RAB27B: variants seen among roughly 807,000 people sequenced by gnomAD.
RAB27B encodes the protein ras-related protein Rab-27B.
In RAB27B, 15 loss-of-function variants were observed where a neutral mutation model predicts 24.6. The ratio of observed to expected loss-of-function variants is 0.61; its 90% CI spans 0.41 to 0.94. The LOEUF is 0.94. RAB27B is among the 40% of genes least tolerant of loss of function. RAB27B has a pLI of 0.00. For missense variants in RAB27B, 261 were observed against 266.8 expected, an observed-to-expected ratio of 0.98 and a Z score of 0.15; for synonymous variants, 105 against 92.5, an observed-to-expected ratio of 1.14 and a Z score of -0.78.
At chr18:54,728,319 G>T (rs7236144) in intron 2 of RAB27B, among the ~76,000 whole-genome samples, 3 of 152,072 alleles carry the variant, frequency 2.0e-5, no homozygotes, top group Non-Finnish European at 2.9e-5. Context: ...TGGGGGTGGC[G>T]TTGGGGATGG....
chr18:54,725,806 G>C (rs1909520120), intron 2 of RAB27B, among the ~76,000 whole-genome samples: 1 of 151,488 alleles, frequency 6.6e-6, no homozygotes, highest in Non-Finnish European at 1.5e-5. Flanking sequence ...TGGGGATTAT[G>C]GGAATTACAA....
intron 3 of RAB27B, chr18:54,879,779 G>C (rs1208264717): frequency 9.0e-6 from 2 of 223,212 alleles, no homozygotes; most frequent in Admixed American, 1.0e-4. Flanking sequence ...GCCGTTATAA[G>C]TGCTACTTGA....
rs113325156 is a variant in RAB27B at position 54,786,832 on chromosome 18, G to C, written c.-20+68691G>C. On this transcript the variant is annotated intron_variant, in intron 2 of 4. Coordinates refer to the RAB27B transcript ENST00000586570. Reference sequence around the variant, plus strand: ...AGAGGTGTGTTGACAATTAAATTCAGTTCAATAAGCTATTAAGCGATAAAC... The same window carrying C: ...AGAGGTGTGTTGACAATTAAATTCACTTCAATAAGCTATTAAGCGATAAAC... Among the ~76,000 whole-genome samples the C allele has an allele frequency of 1.6e-4, 24 of 152,296 alleles. No individual in the cohort carries two copies. In the East Asian group the frequency reaches 4.6e-3, roughly 29 times the overall value.
intron 2 of RAB27B, among the ~76,000 whole-genome samples, chr18:54,796,102 C>A (rs1388202429): frequency 6.6e-6 from 1 of 152,140 alleles, no homozygotes; most frequent in African/African-American, 2.4e-5. Context: ...TTTCCTCATC[C>A]CCCTTGCAAG....
intron 1 of RAB27B, among the ~76,000 whole-genome samples, chr18:54,844,047 G>T (rs759428364): frequency 6.6e-6 from 1 of 152,134 alleles, no homozygotes; most frequent in Non-Finnish European, 1.5e-5. Flanking sequence ...TATTAATCAG[G>T]GTGGGGTCTG....
intron 2 of RAB27B, among the ~76,000 whole-genome samples, chr18:54,791,824 G>A (rs911175011): frequency 1.3e-5 from 2 of 152,198 alleles, no homozygotes; most frequent in Admixed American, 6.5e-5. Context: ...GCTGGCTGAA[G>A]AGCACACTGG....
chr18:54,872,600 G>A (rs1273716796), intron 1 of RAB27B, among the ~76,000 whole-genome samples: 1 of 149,778 alleles, frequency 6.7e-6, no homozygotes, highest in African/African-American at 2.5e-5. Context: ...ACTCCAGCCT[G>A]GGCAAGAAGA....
At chr18:54,759,021 T>G (rs1476528326) in intron 2 of RAB27B, among the ~76,000 whole-genome samples, 1 of 152,172 alleles carries the variant, frequency 6.6e-6, no homozygotes, top group African/African-American at 2.4e-5. Flanking sequence ...AAAGAAACAT[T>G]TCCTTTTAAT....
intron 2 of RAB27B, among the ~76,000 whole-genome samples, chr18:54,773,326 C>T (rs533513934): frequency 1.3e-5 from 2 of 152,268 alleles, no homozygotes; most frequent in East Asian, 3.9e-4. Flanking sequence ...GCAACCATGG[C>T]GTGCTGCCTT....
At chr18:54,798,619 G>A (rs1215976577) in intron 2 of RAB27B, among the ~76,000 whole-genome samples, 1 of 152,178 alleles carries the variant, frequency 6.6e-6, no homozygotes, top group African/African-American at 2.4e-5. Context: ...TGTGTGTGAG[G>A]CCTTCAAAGA....
chr18:54,770,737 T>A (rs1908517995), intron 2 of RAB27B, among the ~76,000 whole-genome samples: 1 of 152,124 alleles, frequency 6.6e-6, no homozygotes, highest in Non-Finnish European at 1.5e-5. Flanking sequence ...TTGATCTTTT[T>A]TTTTTCCTAT....
chr18:54,744,030 T>A (rs1910154849), intron 2 of RAB27B, among the ~76,000 whole-genome samples: 1 of 152,174 alleles, frequency 6.6e-6, no homozygotes, highest in Non-Finnish European at 1.5e-5. Flanking sequence ...TCGAGATAAT[T>A]TGGGCCAAGC....
intron 4 of RAB27B, among the ~76,000 whole-genome samples, chr18:54,887,292 C>A (rs188424242): frequency 3.4e-4 from 52 of 151,866 alleles, no homozygotes; most frequent in Non-Finnish European, 6.8e-4. Context: ...TTCTATTTAC[C>A]TCCATCTATA....
chr18:54,850,355 T>TATATATATATATATATAC lies in RAB27B; in HGVS notation c.-20+21660_-20+21661insTATATATATATACATATA, dbSNP rs1568096309. ...CAGGATATATATATATATATATATA[T>TATATATATATATATATAC]ATATACATACATACATATGTTTAGT... On this transcript the variant is annotated intron_variant, in intron 1 of 5. Transcript: ENST00000262094. Among the ~76,000 whole-genome samples the TATATATATATATATATAC allele has an allele frequency of 5.8e-5, 8 of 138,650 alleles. No homozygotes were observed. The East Asian group carries it at 1.5e-3, about 25-fold the overall frequency. 91.0% of individuals were successfully genotyped at this position (138,650 alleles called of 152,430 possible). A position where few individuals can be genotyped will look rare whatever the true frequency, so the allele number is the denominator to read the frequency against.
At chr18:54,803,021 T>C (rs1351599044) in intron 2 of RAB27B, among the ~76,000 whole-genome samples, 1 of 152,176 alleles carries the variant, frequency 6.6e-6, no homozygotes, top group African/African-American at 2.4e-5. Flanking sequence ...TTGAGTTTGT[T>C]ATAACTGGCA....
chr18:54,764,834 C>A (rs1908307105), intron 2 of RAB27B, among the ~76,000 whole-genome samples: 1 of 152,138 alleles, frequency 6.6e-6, no homozygotes, highest in Non-Finnish European at 1.5e-5. Flanking sequence ...ACTTTGTCTT[C>A]TAACTGCCGC....
chr18:54,866,582 C>T (rs987316581), intron 1 of RAB27B, among the ~76,000 whole-genome samples: 8 of 152,198 alleles, frequency 5.3e-5, no homozygotes, highest in Non-Finnish European at 1.0e-4. Flanking sequence ...ACTGGCGTGA[C>T]CCACTGCGCC....
Position 54,892,118 on chromosome 18 carries a change from G to C in RAB27B, c.*2705G>C, listed in dbSNP as rs1913390902. 6.6e-6 allele frequency: 1 copy of C among 152,014 alleles called. No homozygotes were observed. The highest frequency in any genetic ancestry group is 1.9e-4 in the East Asian group (1 of 5,198). The allele number at this position is 152,014 out of a possible 1,614,324, so 9.4% of individuals were successfully genotyped here. The stretch of plus-strand genomic sequence containing the variant: ...CCCCTAATTTACCCCACAACAGCAT[G>C]TAATTTTAGCCAAGATATGTCCTGT... On this transcript the variant is annotated 3_prime_UTR_variant, in exon 6 of 6. Transcript: ENST00000262094.
At chr18:54,879,587 C>A in intron 3 of RAB27B, 133 bp downstream of exon 3, 1 of 736,276 alleles carries the variant, frequency 1.4e-6, no homozygotes, top group East Asian at 2.7e-5. Flanking sequence ...CATTTGTATC[C>A]AGAAATAAAA....
Sources: gnomAD v4.1 joint callset for allele counts (sites outside exome capture counted in the v4.1 genomes callset) on GRCh38, gnomAD v4.1.1 for gene constraint, MANE v1.5 for transcripts, NCBI Gene and HGNC (gene_info 2026-07-23, HGNC 2026-07-21) for gene names.